The following RALYL variants were observed in gnomAD, a reference collection of about 807,000 sequenced individuals.
RALYL encodes RALY RNA binding protein like, also known as RNA-binding Raly-like protein.
A neutral mutation model predicts 35.1 loss-of-function variants in RALYL; 29 were observed. The ratio of observed to expected loss-of-function variants is 0.83; its 90% confidence interval spans 0.61 to 1.13. The LOEUF (loss-of-function observed/expected upper bound fraction) is 1.13, where lower values mean the gene tolerates loss of function less well. Ranked by LOEUF, RALYL falls within the 50% of genes most tolerant of loss-of-function variation. RALYL has a pLI of 0.00. For missense variants in RALYL, 359 were observed against 360.4 expected (o/e 1.00, Z 0.03); for synonymous variants, 120 against 127.6 (o/e 0.94, Z 0.40).
At chr8:84,911,762 C>T (rs1173160973) in intron 8 of RALYL, among the ~76,000 whole-genome samples, 1 of 152,084 alleles carries the variant, frequency 6.6e-6, no homozygotes, top group East Asian at 1.9e-4. Context: ...TCCCATGTAC[C>T]CCCTCCTTGT....
chr8:84,545,890 A>G (rs1022879627), intron 2 of RALYL, among the ~76,000 whole-genome samples: 5 of 152,160 alleles, frequency 3.3e-5, no homozygotes, highest in African/African-American at 1.2e-4. Context: ...ACATTTTATT[A>G]TCAAATTATT....
chr8:84,701,732 T>C (rs1840237205), intron 2 of RALYL, among the ~76,000 whole-genome samples: 1 of 152,136 alleles, frequency 6.6e-6, no homozygotes, highest in South Asian at 2.1e-4. Flanking sequence ...TCATCCCAAG[T>C]CAGCTCTGGC....
chr8:84,208,019 A>T (rs562791019), intron 1 of RALYL, among the ~76,000 whole-genome samples: 43 of 152,180 alleles, frequency 2.8e-4, no homozygotes, highest in African/African-American at 8.4e-4. Flanking sequence ...ATTAGGAGGG[A>T]AGATCTTTAG....
At chr8:84,628,655 TAG>T (rs1252901615) in intron 2 of RALYL, among the ~76,000 whole-genome samples, 2 of 151,908 alleles carry the variant, frequency 1.3e-5, no homozygotes, top group Non-Finnish European at 1.5e-5. Context: ...TATCGGGGGA[TAG>T]AGTGCTGATG....
chr8:84,751,697 T>C (rs942755762), intron 2 of RALYL, among the ~76,000 whole-genome samples: 2 of 152,052 alleles, frequency 1.3e-5, no homozygotes, highest in Non-Finnish European at 2.9e-5. Context: ...ATGAAGTATG[T>C]AGCACCTCCC....
chr8:84,433,382 TAGAGGG>T, intron 1 of RALYL, among the ~76,000 whole-genome samples: 1 of 152,126 alleles, frequency 6.6e-6, no homozygotes, highest in Admixed American at 6.6e-5. Context: ...TATAAATTCT[TAGAGGG>T]AGAGAATTAT....
At chr8:84,713,314 T>C (rs1842480267) in intron 2 of RALYL, among the ~76,000 whole-genome samples, 1 of 151,978 alleles carries the variant, frequency 6.6e-6, no homozygotes, top group South Asian at 2.1e-4. Flanking sequence ...ATTTTCAATA[T>C]TAAACTCTTC....
At chr8:84,734,728 A>G (rs1434116840) in intron 2 of RALYL, among the ~76,000 whole-genome samples, 3 of 152,120 alleles carry the variant, frequency 2.0e-5, no homozygotes, top group Non-Finnish European at 4.4e-5. Flanking sequence ...AAATAGGAAA[A>G]AAAATCTATG....
chr8:84,212,396 G>A (rs1199056018), intron 1 of RALYL, among the ~76,000 whole-genome samples: 2 of 151,792 alleles, frequency 1.3e-5, no homozygotes, highest in Admixed American at 6.6e-5. Flanking sequence ...TCCTCATGAC[G>A]CCTTCATTTT....
chr8:84,659,008 G>A (rs1475620562), intron 2 of RALYL, among the ~76,000 whole-genome samples: 1 of 152,158 alleles, frequency 6.6e-6, no homozygotes, highest in Admixed American at 6.5e-5. Flanking sequence ...TTCCAGGGAA[G>A]ACAGCTTACT....
intron 2 of RALYL, among the ~76,000 whole-genome samples, chr8:84,622,953 A>T (rs1380232863): frequency 7.9e-5 from 12 of 152,154 alleles, no homozygotes; most frequent in Admixed American, 6.5e-4. Context: ...CACCTTTTTG[A>T]GATAGTCATG....
intron 6 of RALYL, among the ~76,000 whole-genome samples, chr8:84,866,581 A>G (rs1839213697): frequency 6.6e-6 from 1 of 152,126 alleles, no homozygotes; most frequent in African/African-American, 2.4e-5. Context: ...GCTGTGCCTT[A>G]GTTTCCTCAT....
At chr8:84,656,344 G>C (rs1361476266) in intron 2 of RALYL, among the ~76,000 whole-genome samples, 1 of 152,056 alleles carries the variant, frequency 6.6e-6, no homozygotes, top group Non-Finnish European at 1.5e-5. Context: ...TTGAAAAATA[G>C]TTGTCTTCTT....
chr8:84,878,349 G>A lies in RALYL; in HGVS notation c.685+4952G>A, dbSNP rs530420230. Among the ~76,000 whole-genome samples, 10 of 152,276 alleles carry A rather than the reference G, an allele frequency of 6.6e-5. No homozygotes were observed. In the South Asian group the frequency reaches 1.9e-3, roughly 28 times the overall value. On this transcript the variant is annotated intron_variant, in intron 7 of 8. Transcript: ENST00000521268. ...TGGCAGGACACTAGAAGAGTCTTCAGTTGAGAACATGAGCAGCCCAAGAGG... is the reference window on the plus strand; with the variant it reads ...TGGCAGGACACTAGAAGAGTCTTCAATTGAGAACATGAGCAGCCCAAGAGG...
intron 1 of RALYL, among the ~76,000 whole-genome samples, chr8:84,203,879 C>T (rs1402591566): frequency 6.6e-6 from 1 of 151,934 alleles, no homozygotes; most frequent in African/African-American, 2.4e-5. Flanking sequence ...AAACATCATC[C>T]CATTCTCAAT....
intron 2 of RALYL, among the ~76,000 whole-genome samples, chr8:84,710,319 G>A (rs1841962015): frequency 6.6e-6 from 1 of 151,758 alleles, no homozygotes; most frequent in African/African-American, 2.4e-5. Flanking sequence ...TTTGTTTTGA[G>A]ACAGAGCCTC....
In RALYL at chr8:84,483,459, G is replaced by A. The variant is rs148157647; in HGVS notation, c.-23-45840G>A. Among the ~76,000 whole-genome samples, 482 of 152,188 alleles carry A rather than the reference G, an allele frequency of 3.2e-3. 3 individuals are homozygous for A. The highest frequency in any genetic ancestry group is 0.011 in the African/African-American group (444 of 41,560). The stretch of plus-strand genomic sequence containing the variant: ...TTAGGCCATGTTGTGGTGACTGATC[G>A]ATGACTTTCATAGGATGGTGATATT... On this transcript the variant is annotated intron_variant, in intron 1 of 8. Transcript: ENST00000521268.
intron 2 of RALYL, among the ~76,000 whole-genome samples, chr8:84,699,056 AG>A (rs1839737641): frequency 6.7e-6 from 1 of 149,702 alleles, no homozygotes; most frequent in Non-Finnish European, 1.5e-5. Flanking sequence ...ATAGATAGAT[AG>A]GATAAATAGA....
intron 3 of RALYL, among the ~76,000 whole-genome samples, chr8:84,799,872 C>T (rs903910404): frequency 3.3e-5 from 5 of 152,164 alleles, no homozygotes; most frequent in Admixed American, 1.3e-4. Context: ...AGGAGAATGG[C>T]GTGAACCCGG....
Sources: gnomAD v4.1 joint callset for allele counts (sites outside exome capture counted in the v4.1 genomes callset) on GRCh38, gnomAD v4.1.1 for gene constraint, MANE v1.5 for transcripts, NCBI Gene and HGNC (gene_info 2026-07-23, HGNC 2026-07-21) for gene names.